The following NKAIN2 variants were observed in gnomAD, a reference collection of about 807,000 sequenced individuals.
NKAIN2 encodes sodium/potassium-transporting ATPase subunit beta-1-interacting protein 2.
Under a neutral mutation model 32.6 loss-of-function variants are expected in NKAIN2, and 14 were observed. That is an observed-to-expected ratio of 0.43 (90% CI 0.28 to 0.67). The LOEUF (loss-of-function observed/expected upper bound fraction) is 0.67, where lower values mean the gene tolerates loss of function less well. Ranked by LOEUF, NKAIN2 falls within the 30% of genes least tolerant of loss-of-function variation. The pLI is 0.17. For synonymous variants in NKAIN2, 80 were observed against 87.2 expected, an observed-to-expected ratio of 0.92 and a Z score of 0.46; for missense variants, 198 against 258.3, an observed-to-expected ratio of 0.77 and a Z score of 1.60.
At chr6:123,995,665 A>C (rs1779590867) in intron 1 of NKAIN2, among the ~76,000 whole-genome samples, 1 of 152,126 alleles carries the variant, frequency 6.6e-6, no homozygotes, top group African/African-American at 2.4e-5. Flanking sequence ...GTCCAAAATA[A>C]CTTTCTTTGC....
intron 1 of NKAIN2, among the ~76,000 whole-genome samples, chr6:124,192,268 T>C (rs927096872): frequency 6.6e-6 from 1 of 152,204 alleles, no homozygotes; most frequent in Admixed American, 6.5e-5. Context: ...TTTCACAGTA[T>C]CCCACTATTT....
chr6:123,819,266 A>G (rs1350979089), intron 1 of NKAIN2, among the ~76,000 whole-genome samples: 1 of 152,148 alleles, frequency 6.6e-6, no homozygotes, highest in African/African-American at 2.4e-5. Context: ...AGAATGAAAT[A>G]CAGACAGAGA....
At chr6:124,563,038 G>A (rs1780761217) in intron 3 of NKAIN2, among the ~76,000 whole-genome samples, 1 of 151,700 alleles carries the variant, frequency 6.6e-6, no homozygotes, top group Non-Finnish European at 1.5e-5. Context: ...CCGAGTAGCT[G>A]GGATTAAGAC....
intron 1 of NKAIN2, among the ~76,000 whole-genome samples, chr6:123,825,297 G>A (rs777798078): frequency 6.6e-6 from 1 of 151,992 alleles, no homozygotes; most frequent in Non-Finnish European, 1.5e-5. Flanking sequence ...AGTCATTAAG[G>A]GTAAACAAAA....
intron 3 of NKAIN2, among the ~76,000 whole-genome samples, chr6:124,510,136 T>A (rs1194316533): frequency 7.1e-6 from 1 of 141,044 alleles, no homozygotes; most frequent in African/African-American, 2.5e-5. Flanking sequence ...TTTAATAAAA[T>A]CCTTAGTGCT....
At chr6:124,794,510 C>A (rs1201725238) in intron 5 of NKAIN2, among the ~76,000 whole-genome samples, 1 of 152,172 alleles carries the variant, frequency 6.6e-6, no homozygotes, top group African/African-American at 2.4e-5. Flanking sequence ...TGACCACACA[C>A]CACATCTGCC....
intron 1 of NKAIN2, among the ~76,000 whole-genome samples, chr6:123,908,972 A>G (rs1349517069): frequency 6.6e-6 from 1 of 152,198 alleles, no homozygotes; most frequent in Non-Finnish European, 1.5e-5. Context: ...GTGTTGCCGA[A>G]TTATGCTTAC....
intron 1 of NKAIN2, among the ~76,000 whole-genome samples, chr6:124,004,169 T>C (rs1779984405): frequency 6.6e-6 from 1 of 152,210 alleles, no homozygotes; most frequent in African/African-American, 2.4e-5. Flanking sequence ...AAAAAGTATC[T>C]GAATGCTATT....
rs529990791 is a variant in NKAIN2 at position 124,550,154 on chromosome 6, G to C, written c.274-108032G>C. Among the ~76,000 whole-genome samples the C allele has an allele frequency of 5.3e-5, 8 of 152,100 alleles. No homozygotes were observed. In the East Asian group the frequency reaches 1.4e-3, roughly 26 times the overall value. ...AAAGAAGAGATATCATTTCTCTCCT[G>C]TTTATTTAGTTAGCAAATAATTTAT... On this transcript the variant is annotated intron_variant, in intron 3 of 6. Coordinates refer to ENST00000368417, the MANE Select transcript of NKAIN2 (RefSeq NM_001040214.3).
At chr6:124,274,327 T>C (rs1472346332) in intron 1 of NKAIN2, among the ~76,000 whole-genome samples, 1 of 152,218 alleles carries the variant, frequency 6.6e-6, no homozygotes, top group Non-Finnish European at 1.5e-5. Flanking sequence ...ATAGTGATTA[T>C]AGGAATTTGC....
intron 4 of NKAIN2, among the ~76,000 whole-genome samples, chr6:124,684,471 T>C (rs540770931): frequency 3.3e-5 from 5 of 152,306 alleles, no homozygotes; most frequent in Non-Finnish European, 7.3e-5. Flanking sequence ...AATTAAACTT[T>C]GATGTCCACT....
intron 1 of NKAIN2, among the ~76,000 whole-genome samples, chr6:124,186,153 A>AGGGAGGG (rs1554263935): frequency 1.6e-4 from 20 of 127,072 alleles, no homozygotes; most frequent in African/African-American, 4.6e-4. Flanking sequence ...GGAAGGAAGG[A>AGGGAGGG]AGGGAGGGAG....
intron 3 of NKAIN2, among the ~76,000 whole-genome samples, chr6:124,418,595 A>C (rs970902563): frequency 6.7e-6 from 1 of 148,646 alleles, no homozygotes; most frequent in African/African-American, 2.4e-5. Context: ...TATATATATA[A>C]AACTATACAG....
chr6:124,709,559 T>C (rs1287518036), intron 4 of NKAIN2, among the ~76,000 whole-genome samples: 17 of 150,418 alleles, frequency 1.1e-4, no homozygotes, highest in Admixed American at 3.3e-4. Context: ...CTTCCTGGTT[T>C]AGTCTTGGGA....
intron 4 of NKAIN2, among the ~76,000 whole-genome samples, chr6:124,690,637 G>C (rs1007263449): frequency 2.0e-5 from 3 of 152,042 alleles, no homozygotes; most frequent in Non-Finnish European, 4.4e-5. Context: ...TTACCCATAG[G>C]AGAAATTGTT....
intron 1 of NKAIN2, among the ~76,000 whole-genome samples, chr6:123,853,870 T>G (rs752220041): frequency 6.6e-6 from 1 of 151,986 alleles, no homozygotes; most frequent in Non-Finnish European, 1.5e-5. Context: ...CCTCCTGGGT[T>G]CAAGCAATTC....
At chr6:124,607,973 G>A (rs1428826188) in intron 3 of NKAIN2, among the ~76,000 whole-genome samples, 1 of 152,126 alleles carries the variant, frequency 6.6e-6, no homozygotes, top group East Asian at 1.9e-4. Flanking sequence ...GCTAAGCTAT[G>A]ATGTTAGGTA....
In NKAIN2 at chr6:124,186,794, G is replaced by A. The variant is rs73562468; in HGVS notation, c.55-96211G>A. 1.7e-3 allele frequency among the ~76,000 whole-genome samples: 256 copies of A among 152,236 alleles called. 1 individual carries two copies. The highest frequency in any genetic ancestry group is 5.9e-3 in the African/African-American group (247 of 41,562). On this transcript the variant is annotated intron_variant, in intron 1 of 6. Transcript: ENST00000368417. Reference sequence around the variant, plus strand: ...AAAGCATAAGGAGACTTTAAGAAATGTTTACCTCTCTGTGAAAACAATATA... The same window carrying A: ...AAAGCATAAGGAGACTTTAAGAAATATTTACCTCTCTGTGAAAACAATATA...
intron 1 of NKAIN2, among the ~76,000 whole-genome samples, chr6:123,921,550 C>T (rs1215227853): frequency 1.3e-5 from 2 of 152,102 alleles, no homozygotes; most frequent in East Asian, 3.9e-4. Flanking sequence ...TCCTGTAGTC[C>T]TGAAGTTGTT....
Sources: allele counts gnomAD v4.1 joint callset (sites outside exome capture counted in the v4.1 genomes callset), GRCh38; gene constraint gnomAD v4.1.1; transcripts MANE v1.5; gene names NCBI Gene and HGNC (gene_info 2026-07-23, HGNC 2026-07-21).